Variants in MYO3A observed in about 807,000 individuals in gnomAD.
The protein encoded by MYO3A is myosin-IIIa.
In MYO3A, 180 loss-of-function variants were observed where a neutral mutation model predicts 192.7. That is an observed-to-expected ratio of 0.93 (90% confidence interval 0.83 to 1.06). The LOEUF (loss-of-function observed/expected upper bound fraction) is 1.06. Among genes scored for constraint, MYO3A ranks in the 50% least tolerant of loss-of-function variants. MYO3A has a pLI of 0.00. For missense variants in MYO3A, 1,896 were observed against 1,905.0 expected, an observed-to-expected ratio of 1.00 and a Z score of 0.09; for synonymous variants, 628 against 645.3, an observed-to-expected ratio of 0.97 and a Z score of 0.41.
At chr10:26,062,683 T>A (rs1357550989) in intron 10 of MYO3A, among the ~76,000 whole-genome samples, 1 of 151,960 alleles carries the variant, frequency 6.6e-6, no homozygotes, top group African/African-American at 2.4e-5. Context: ...AAGCAGCAAA[T>A]TGAGGACTGT....
intron 14 of MYO3A, among the ~76,000 whole-genome samples, chr10:26,082,214 G>A (rs944397661): frequency 6.6e-5 from 10 of 152,000 alleles, no homozygotes; most frequent in African/African-American, 9.7e-5. Flanking sequence ...TAATTCTTCC[G>A]ATCCCTGAGA....
At chr10:26,056,085 C>G (rs11014931) in intron 10 of MYO3A, among the ~76,000 whole-genome samples, 74,182 of 151,952 alleles carry the variant, frequency 0.49, 18,744 homozygotes, top group Middle Eastern at 0.6. Flanking sequence ...GATAAAGGCT[C>G]TAGTGGATGA....
At chr10:26,200,553 C>G (rs2132198888) in intron 32 of MYO3A, among the ~76,000 whole-genome samples, 1 of 152,268 alleles carries the variant, frequency 6.6e-6, no homozygotes, top group South Asian at 2.1e-4. Flanking sequence ...TGCTACAGTG[C>G]AAAAGATAAT....
At chr10:26,037,048 T>C (rs1163893166) in intron 10 of MYO3A, among the ~76,000 whole-genome samples, 1 of 152,216 alleles carries the variant, frequency 6.6e-6, no homozygotes, top group Non-Finnish European at 1.5e-5. Context: ...TTTGTGACTC[T>C]GTACAAGTTA....
At chr10:26,188,667 G>A (rs1203840989) in intron 31 of MYO3A, among the ~76,000 whole-genome samples, 2 of 152,150 alleles carry the variant, frequency 1.3e-5, no homozygotes, top group African/African-American at 4.8e-5. Flanking sequence ...TTTAGTATAA[G>A]GTGTAATGAA....
intron 17 of MYO3A, among the ~76,000 whole-genome samples, chr10:26,100,996 T>A (rs12775931): frequency 6.6e-6 from 1 of 152,162 alleles, no homozygotes; most frequent in East Asian, 1.9e-4. Context: ...GACAGTGGGG[T>A]GTTAAAGTCT....
intron 20 of MYO3A, among the ~76,000 whole-genome samples, chr10:26,141,551 G>A (rs1471077613): frequency 6.6e-6 from 1 of 152,144 alleles, no homozygotes; most frequent in East Asian, 1.9e-4. Flanking sequence ...AAATAGAAAT[G>A]ACAAATGCAT....
chr10:26,138,248 C>T (rs12772392), intron 20 of MYO3A, among the ~76,000 whole-genome samples: 75,147 of 152,008 alleles, frequency 0.49, 19,160 homozygotes, highest in Middle Eastern at 0.59. Flanking sequence ...AATTCCTCTC[C>T]TTGTACTGTT....
chr10:26,211,402 G>A (rs570595281), intron 34 of MYO3A, among the ~76,000 whole-genome samples: 26 of 152,316 alleles, frequency 1.7e-4, no homozygotes, highest in African/African-American at 6.3e-4. Context: ...GATTTTGAGT[G>A]AGCATTTTTT....
At chr10:25,968,307 T>A (rs1838387247) in intron 4 of MYO3A, among the ~76,000 whole-genome samples, 1 of 152,136 alleles carries the variant, frequency 6.6e-6, no homozygotes, top group Non-Finnish European at 1.5e-5. Context: ...TCAGTGAAAA[T>A]GTTATTCATA....
At chr10:26,026,112 C>T (rs560087325) in intron 9 of MYO3A, among the ~76,000 whole-genome samples, 56 of 152,264 alleles carry the variant, frequency 3.7e-4, no homozygotes, top group African/African-American at 1.1e-3. Context: ...TACTGGGAGA[C>T]GACAGAAGTG....
At chr10:26,069,777 C>T (rs1276989051) in intron 12 of MYO3A, among the ~76,000 whole-genome samples, 3 of 151,858 alleles carry the variant, frequency 2.0e-5, no homozygotes, top group South Asian at 2.1e-4. Context: ...AACTGAAACC[C>T]GATCGTCTTA....
At chr10:25,990,710 G>C (rs578051509) in intron 4 of MYO3A, among the ~76,000 whole-genome samples, 300 of 132,412 alleles carry the variant, frequency 2.3e-3, no homozygotes, top group African/African-American at 8.1e-3. Flanking sequence ...CCCTTCCTGT[G>C]TCCAAGTGTT....
At chr10:26,122,154 A>G (rs1459013426) in intron 18 of MYO3A, among the ~76,000 whole-genome samples, 1 of 152,218 alleles carries the variant, frequency 6.6e-6, no homozygotes, top group Non-Finnish European at 1.5e-5. Context: ...GCAGCAGCCA[A>G]TGGAATGAGT....
chr10:26,026,365 T>C lies in MYO3A; in HGVS notation c.798-12T>C. 1 of 1,613,978 alleles carries C rather than the reference T, an allele frequency of 6.2e-7. No homozygotes were observed. Among genetic ancestry groups the C allele is most frequent in the Non-Finnish European group, 8.5e-7 (1 of 1,179,886 alleles). ...TTATCTAATAATTGCATGTTCTTTT[T>C]TGCCAGTGCAGGTGCTTGACTAAAG... On this transcript the variant is annotated splice_polypyrimidine_tract_variant and intron_variant, in intron 9 of 34. Coordinates refer to ENST00000642920, the MANE Select transcript of MYO3A (RefSeq NM_017433.5).
At chr10:26,177,692 CTTTCTT>C (rs1842401527) in intron 31 of MYO3A, among the ~76,000 whole-genome samples, 1 of 152,202 alleles carries the variant, frequency 6.6e-6, no homozygotes, top group Admixed American at 6.5e-5. Context: ...TTTTCCCTTG[CTTTCTT>C]GGAGGCCCTC....
intron 14 of MYO3A, among the ~76,000 whole-genome samples, chr10:26,077,953 G>C (rs1046858729): frequency 2.0e-5 from 3 of 151,870 alleles, no homozygotes; most frequent in Non-Finnish European, 4.4e-5. Flanking sequence ...TAGGTCTGTA[G>C]TTTTCTTTTT....
chr10:26,030,424 C>T (rs574626017), intron 10 of MYO3A, among the ~76,000 whole-genome samples: 1 of 152,048 alleles, frequency 6.6e-6, no homozygotes, highest in Non-Finnish European at 1.5e-5. Context: ...ACTCTCTTGA[C>T]CATGGATCTT....
At chr10:26,034,403 C>T (rs1280282999) in intron 10 of MYO3A, among the ~76,000 whole-genome samples, 1 of 152,192 alleles carries the variant, frequency 6.6e-6, no homozygotes, top group African/African-American at 2.4e-5. Flanking sequence ...CTACAGCAGC[C>T]CACTCAAGCT....
Sources: gnomAD v4.1 joint callset for allele counts (sites outside exome capture counted in the v4.1 genomes callset) on GRCh38, gnomAD v4.1.1 for gene constraint, MANE v1.5 for transcripts, NCBI Gene and HGNC (gene_info 2026-07-23, HGNC 2026-07-21) for gene names.